TEX14: variants seen among roughly 807,000 people sequenced by gnomAD.
The protein encoded by TEX14 is testis expressed 14, intercellular bridge forming factor.
In TEX14, 168 loss-of-function variants were observed where a neutral mutation model predicts 178.6. The ratio of observed to expected loss-of-function variants is 0.94; its 90% CI spans 0.83 to 1.07. The LOEUF (loss-of-function observed/expected upper bound fraction) is 1.07. Among genes scored for constraint, TEX14 ranks in the 50% least tolerant of loss-of-function variants. The pLI, the probability that TEX14 is intolerant of heterozygous loss-of-function variation, is 0.00. For synonymous variants in TEX14, 626 were observed against 634.1 expected (o/e 0.99, Z 0.19); for missense variants, 1,730 against 1,753.6 (o/e 0.99, Z 0.24).
At chr17:58,599,693 C>G (rs914216603) in intron 13 of TEX14, 27 bp from the exon 14 acceptor site, 6 of 1,581,878 alleles carry the variant, frequency 3.8e-6, no homozygotes, top group Non-Finnish European at 5.2e-6. Context: ...CAAAATGCAA[C>G]TCATTAAAAT....
intron 1 of TEX14, among the ~76,000 whole-genome samples, chr17:58,684,654 T>C (rs2047561277): frequency 6.7e-6 from 1 of 149,848 alleles, no homozygotes; most frequent in Non-Finnish European, 1.5e-5. Context: ...AATAAATAAA[T>C]AAATAAATAA....
chr17:58,659,260 A>AC (rs1491166452), intron 1 of TEX14: 3 of 797,750 alleles, frequency 3.8e-6, no homozygotes, highest in South Asian at 1.1e-4. Flanking sequence ...CCCAAGAAAA[A>AC]CACTTTATCA....
intron 1 of TEX14, among the ~76,000 whole-genome samples, chr17:58,658,129 T>A (rs1204876118): frequency 1.3e-5 from 2 of 152,144 alleles, no homozygotes; most frequent in East Asian, 1.9e-4. Context: ...CACCAAGTTA[T>A]CCTTAACAAC....
intron 1 of TEX14, among the ~76,000 whole-genome samples, chr17:58,688,378 C>T (rs549660953): frequency 6.6e-6 from 1 of 152,246 alleles, no homozygotes; most frequent in Admixed American, 6.6e-5. Flanking sequence ...CCTCAGCCTC[C>T]TAAAGTGATG....
intron 14 of TEX14, among the ~76,000 whole-genome samples, 180 bp downstream of exon 14, chr17:58,598,696 C>T (rs975987066): frequency 1.3e-5 from 2 of 152,136 alleles, no homozygotes; most frequent in African/African-American, 2.4e-5. Flanking sequence ...TTAGGGGCAA[C>T]GTCAAACCCA....
In TEX14 at chr17:58,584,525, A is replaced by C. The variant is rs2044904482; in HGVS notation, c.3146T>G (p.Leu1049Trp). ...ACTGTAAGATTTCTCTACAGCCACCAATGTGTCAGAACTTGCTTGGAAGGC... is the reference window on the plus strand; with the variant it reads ...ACTGTAAGATTTCTCTACAGCCACCCATGTGTCAGAACTTGCTTGGAAGGC... The part of the protein sequence containing the change: ...SEAFQASSDT[L>W]VAVEKSYSTS... The change falls in exon 19 of 32, where the codon TTG becomes TGG. Residue 1049 changes from leucine (L) to tryptophan (W), a missense_variant. Leu to Trp is a moderately conservative substitution (Grantham distance 61). This residue lies in a region of TEX14 where 941 missense variants were observed against 1,072.4 expected (regional missense o/e 0.88). Transcript: ENST00000349033. 1 of 1,614,040 alleles carries C rather than the reference A, an allele frequency of 6.2e-7. No homozygotes were observed. The highest frequency in any genetic ancestry group is 2.2e-5 in the East Asian group (1 of 44,882).
At chr17:58,598,332 G>GA (rs2045343015) in intron 14 of TEX14, among the ~76,000 whole-genome samples, 1 of 144,544 alleles carries the variant, frequency 6.9e-6, no homozygotes, top group African/African-American at 2.5e-5. Flanking sequence ...AAAAAAAAAA[G>GA]AAAAAACCCA....
intron 28 of TEX14, among the ~76,000 whole-genome samples, chr17:58,563,649 A>ATG (rs1294162694): frequency 3.4e-5 from 1 of 29,428 alleles, no homozygotes; most frequent in African/African-American, 1.8e-4. Context: ...ATATATATAT[A>ATG]TATATATATA....
At chr17:58,595,163 G>T (rs1033940757) in intron 14 of TEX14, among the ~76,000 whole-genome samples, 8 of 152,270 alleles carry the variant, frequency 5.3e-5, no homozygotes, top group African/African-American at 1.9e-4. Context: ...AGAATATCAT[G>T]AAGTTTGTAA....
chr17:58,605,228 G>A, intron 10 of TEX14, 99 bp from the exon 11 acceptor site: 1 of 1,395,782 alleles, frequency 7.2e-7, no homozygotes. Context: ...GTCTTGCCCT[G>A]TCACCCAGGC....
At chr17:58,575,679 A>G (rs2044658856) in intron 21 of TEX14, among the ~76,000 whole-genome samples, 1 of 152,132 alleles carries the variant, frequency 6.6e-6, no homozygotes, top group South Asian at 2.1e-4. Context: ...ACCGTGTTCC[A>G]TTTTTCCTGC....
At position 58,601,886 on chromosome 17, in the gene TEX14, T is replaced by G; in HGVS notation, c.1598A>C (p.Asp533Ala). The G allele has an allele frequency of 1.9e-6, 3 of 1,613,500 alleles. No homozygotes were observed. Among genetic ancestry groups the G allele is most frequent in the Non-Finnish European group, 2.5e-6 (3 of 1,180,024 alleles). Residue 533 changes from aspartate (D) to alanine (A), a missense_variant, in exon 13 of 32, where the codon GAT becomes GCT. Coordinates refer to ENST00000349033, the MANE Select transcript of TEX14 (RefSeq NM_031272.5). ...AGTCAGTCCTAGATAGACATTGACA[T>G]CGGGATGGAGTCCGTATCTCTGCAC... ...PRVQRYGLHP[D>A]VNVYLGLTSE...
Position 58,605,059 on chromosome 17 carries a change from G to C in TEX14, c.1255C>G (p.Pro419Ala). 6.2e-7 allele frequency: 1 copy of C among 1,614,156 alleles called. No homozygotes were observed. The highest frequency in any genetic ancestry group is 8.5e-7 in the Non-Finnish European group (1 of 1,180,036). Reference protein sequence around the residue: ...LPTQLYNWAAPEVILQKAATV... With the variant: ...LPTQLYNWAAAEVILQKAATV... ...GCTGCCTTCTGTAAGATCACTTCTGGTGCGGCCCAGTTGTATAGCTGCGTA... is the reference window on the plus strand; with the variant it reads ...GCTGCCTTCTGTAAGATCACTTCTGCTGCGGCCCAGTTGTATAGCTGCGTA... Residue 419 changes from proline (P) to alanine (A), a missense_variant, in exon 11 of 32, where the codon CCA (proline) becomes GCA (alanine). Pro to Ala is a conservative substitution (Grantham distance 27). Transcript: ENST00000349033.
chr17:58,579,126 T>C (rs539665372), intron 20 of TEX14, among the ~76,000 whole-genome samples: 9 of 152,348 alleles, frequency 5.9e-5, no homozygotes, highest in Admixed American at 2.0e-4. Flanking sequence ...TGCTAAGTTA[T>C]ATAGAACCCA....
intron 15 of TEX14, among the ~76,000 whole-genome samples, chr17:58,589,970 G>C (rs1419516595): frequency 1.3e-5 from 2 of 151,832 alleles, no homozygotes; most frequent in African/African-American, 4.8e-5. Context: ...CCCATAAAGT[G>C]AACTGAGATT....
At chr17:58,647,681 C>CTTTA (rs1176215910) in intron 2 of TEX14, among the ~76,000 whole-genome samples, 3 of 149,580 alleles carry the variant, frequency 2.0e-5, no homozygotes, top group African/African-American at 4.9e-5. Context: ...ATTCCAATTT[C>CTTTA]TTTCTTTCTT....
At position 58,581,774 on chromosome 17, in the gene TEX14, TA is replaced by T. The variant is rs556129761; in HGVS notation, c.3172-2044del. 5.0e-3 allele frequency: 7,952 copies of T among 1,597,770 alleles called. 34 individuals carry two copies. The highest frequency in any genetic ancestry group is 6.6e-3 in the Middle Eastern group (34 of 5,178). ...ATCACTTTTAAGTTGCTGTTCATTG[TA>T]ACGAAATCCCTTTATAGTTGGATGC... On this transcript the variant is annotated intron_variant, in intron 19 of 31. Coordinates refer to ENST00000349033, the MANE Select transcript of TEX14 (RefSeq NM_031272.5).
intron 31 of TEX14, 116 bp from the exon 32 acceptor site, chr17:58,557,163 T>C: frequency 1.1e-6 from 1 of 900,078 alleles, no homozygotes; most frequent in Non-Finnish European, 1.8e-6. Context: ...AAAGGAATTT[T>C]GGTCTTTATA....
At chr17:58,579,598 T>C in intron 20 of TEX14, 67 bp downstream of exon 20, 2 of 1,364,636 alleles carry the variant, frequency 1.5e-6, no homozygotes, top group Admixed American at 1.7e-5. Context: ...GCTCTAAACA[T>C]CTGTGATCCA....
Sources: gnomAD v4.1 joint callset for allele counts (sites outside exome capture counted in the v4.1 genomes callset) on GRCh38, gnomAD v4.1.1 for gene constraint, gnomAD v4.1.1 regional missense constraint, MANE v1.5 for transcripts, NCBI Gene and HGNC (gene_info 2026-07-23, HGNC 2026-07-21) for gene names.